The following BPGM variants were observed in gnomAD, a reference collection of about 807,000 sequenced individuals.
BPGM encodes the protein bisphosphoglycerate mutase.
BPGM carries 15 observed loss-of-function variants against 21.6 expected under a neutral mutation model. The ratio of observed to expected loss-of-function variants is 0.70; its 90% CI spans 0.47 to 1.07. The LOEUF (loss-of-function observed/expected upper bound fraction) is 1.07. BPGM is among the 50% of genes least tolerant of loss of function. The pLI is 0.00. For synonymous variants in BPGM, 113 were observed against 116.2 expected (o/e 0.97, Z 0.18); for missense variants, 273 against 319.0 (o/e 0.86, Z 1.10).
At position 134,648,130 on chromosome 7, in the gene BPGM, TGG is replaced by T. The variant is rs1491257091; in HGVS notation, c.-62+1194_-62+1195del. On this transcript the variant is annotated intron_variant, in intron 1 of 2. Coordinates refer to ENST00000344924, the MANE Select transcript of BPGM (RefSeq NM_001724.5). Reference sequence around the variant, plus strand: ...TTTTCTTTCTTTCTTTCTTTTGTTTTGGTTTTTTTTTTGTTTTGTTTTCAGAC... The same window carrying T: ...TTTTCTTTCTTTCTTTCTTTTGTTTTTTTTTTTTTTGTTTTGTTTTCAGAC... Among the ~76,000 whole-genome samples the T allele has an allele frequency of 5.8e-3, 525 of 89,876 alleles. 8 individuals carry two copies. In the South Asian group the frequency reaches 0.082, roughly 14 times the overall value. 59.0% of individuals were successfully genotyped at this position (89,876 alleles called of 152,430 possible).
At chr7:134,664,063 A>T (rs1366119362) in intron 2 of BPGM, among the ~76,000 whole-genome samples, 1 of 152,190 alleles carries the variant, frequency 6.6e-6, no homozygotes, top group African/African-American at 2.4e-5. Flanking sequence ...TTAGCAATTT[A>T]TTTAATTAAT....
At chr7:134,651,968 T>A (rs545084077) in intron 1 of BPGM, among the ~76,000 whole-genome samples, 4 of 152,346 alleles carry the variant, frequency 2.6e-5, no homozygotes, top group African/African-American at 9.6e-5. Context: ...AAATGACAGA[T>A]GATATTTTTG....
At position 134,656,068 on chromosome 7, in the gene BPGM, C is replaced by A. The variant is rs1138296; in HGVS notation, c.-61-5379C>A. Among the ~76,000 whole-genome samples the A allele has an allele frequency of 2.6e-5, 4 of 152,198 alleles. No individual in the cohort carries two copies. The East Asian group carries it at 7.7e-4, about 29-fold the overall frequency. ...AACATGGTCCTTGGACCAGCCATGT[C>A]ACCATCACCTGAGGACTTGCTAGAA... On this transcript the variant is annotated intron_variant, in intron 1 of 2. Coordinates refer to ENST00000344924, the MANE Select transcript of BPGM (RefSeq NM_001724.5).
In BPGM at chr7:134,665,592, T is replaced by C. The variant is rs1795804313; in HGVS notation, c.601+3484T>C. Among the ~76,000 whole-genome samples, 2 of 25,752 alleles carry C rather than the reference T, an allele frequency of 7.8e-5. 1 individual carries two copies. The highest frequency in any genetic ancestry group is 1.2e-4 in the Non-Finnish European group (2 of 16,976). The allele number at this position is 25,752 out of a possible 152,430, so 16.9% of individuals were successfully genotyped here. A position where few individuals can be genotyped will look rare whatever the true frequency, so the allele number is the denominator to read the frequency against. ...AACTAACCTGCACAATGTGCACATG[T>C]ACCCTAAAACTTAGAGTATAATAAA... On this transcript the variant is annotated intron_variant, in intron 2 of 2. Coordinates refer to ENST00000344924, the MANE Select transcript of BPGM (RefSeq NM_001724.5).
intron 1 of BPGM, among the ~76,000 whole-genome samples, chr7:134,656,076 C>A (rs1795632858): frequency 6.6e-6 from 1 of 152,220 alleles, no homozygotes; most frequent in African/African-American, 2.4e-5. Context: ...GTCACCATCA[C>A]CTGAGGACTT....
At position 134,679,298 on chromosome 7, in the gene BPGM, G is replaced by A. The variant is rs1214650812; in HGVS notation, c.*267G>A. The A allele has an allele frequency of 6.5e-6, 3 of 459,592 alleles. No individual in the cohort carries two copies. The Admixed American group carries it at 1.1e-4, about 17-fold the overall frequency. The allele number at this position is 459,592 out of a possible 1,614,324, so 28.5% of individuals were successfully genotyped here. On this transcript the variant is annotated 3_prime_UTR_variant, in exon 3 of 3. Transcript: ENST00000344924. ...TAGTGGGGCTTAATGAAGGTCATAA[G>A]TTTCTGAGATGGGAGAGCAACAAGT...
chr7:134,648,218 C>G (rs1437104370), intron 1 of BPGM, among the ~76,000 whole-genome samples: 1 of 151,674 alleles, frequency 6.6e-6, no homozygotes, highest in Non-Finnish European at 1.5e-5. Context: ...TCACCGCAAC[C>G]TCCGCCTCCT....
intron 2 of BPGM, among the ~76,000 whole-genome samples, chr7:134,675,422 T>TTA (rs1411998818): frequency 6.6e-6 from 1 of 152,190 alleles, no homozygotes; most frequent in African/African-American, 2.4e-5. Context: ...GAGTTAATTT[T>TTA]TATATAAAGT....
intron 1 of BPGM, among the ~76,000 whole-genome samples, chr7:134,659,550 A>C (rs1364775041): frequency 1.3e-5 from 2 of 152,114 alleles, no homozygotes; most frequent in African/African-American, 4.8e-5. Flanking sequence ...CTGTTCTGCC[A>C]CCCTGATGCC....
chr7:134,650,181 T>G lies in BPGM; in HGVS notation c.-62+3244T>G, dbSNP rs117771500. Among the ~76,000 whole-genome samples the G allele has an allele frequency of 2.7e-3, 413 of 152,314 alleles. 1 individual carries two copies. The highest frequency in any genetic ancestry group is 3.1e-3 in the Non-Finnish European group (214 of 68,030). On this transcript the variant is annotated intron_variant, in intron 1 of 2. Transcript: ENST00000344924. Reference sequence around the variant, plus strand: ...TGGAATTTGGTGGACACAGTTTGTGTTGATAAAAGCTACTACCCTGGGGAA... The same window carrying G: ...TGGAATTTGGTGGACACAGTTTGTGGTGATAAAAGCTACTACCCTGGGGAA...
chr7:134,670,318 G>A (rs563277822), intron 2 of BPGM, among the ~76,000 whole-genome samples: 4 of 152,282 alleles, frequency 2.6e-5, no homozygotes, highest in East Asian at 1.9e-4. Context: ...CTGTGGGGAC[G>A]GGGACTGATG....
intron 1 of BPGM, among the ~76,000 whole-genome samples, chr7:134,648,411 AG>A (rs1795502069): frequency 6.6e-6 from 1 of 152,104 alleles, no homozygotes; most frequent in African/African-American, 2.4e-5. Context: ...CTGGGATTAC[AG>A]GTGTGAGCTA....
At chr7:134,678,770 A>G (rs994563936) in intron 2 of BPGM, 83 bp from the exon 3 acceptor site, 22 of 1,319,432 alleles carry the variant, frequency 1.7e-5, no homozygotes, top group Non-Finnish European at 2.2e-5. Context: ...GTTAAATGGG[A>G]TTAAAGTGCA....
chr7:134,678,475 T>A (rs1377661174), intron 2 of BPGM, among the ~76,000 whole-genome samples: 1 of 152,178 alleles, frequency 6.6e-6, no homozygotes, highest in Non-Finnish European at 1.5e-5. Flanking sequence ...GTACAACACA[T>A]AAAAGGAGAA....
At chr7:134,666,838 A>G (rs1019442959) in intron 2 of BPGM, among the ~76,000 whole-genome samples, 7 of 152,240 alleles carry the variant, frequency 4.6e-5, no homozygotes, top group Non-Finnish European at 8.8e-5. Flanking sequence ...TAAGGTCCCA[A>G]GTATTCTTTT....
chr7:134,675,689 G>C (rs143772927), intron 2 of BPGM, among the ~76,000 whole-genome samples: 5 of 152,176 alleles, frequency 3.3e-5, no homozygotes, highest in African/African-American at 1.2e-4. Context: ...TCTTTTTCAA[G>C]ATTGTTTTGG....
intron 1 of BPGM, among the ~76,000 whole-genome samples, chr7:134,657,687 C>G (rs1054863518): frequency 6.6e-6 from 1 of 152,124 alleles, no homozygotes; most frequent in African/African-American, 2.4e-5. Flanking sequence ...GTTTTCAGTT[C>G]AGATCTTTTT....
chr7:134,652,462 C>G (rs1795571342), intron 1 of BPGM, among the ~76,000 whole-genome samples: 1 of 151,896 alleles, frequency 6.6e-6, no homozygotes, highest in African/African-American at 2.4e-5. Flanking sequence ...TGTCTATTAC[C>G]TCATGCATTT....
intron 1 of BPGM, among the ~76,000 whole-genome samples, chr7:134,652,586 A>T (rs1404428069): frequency 6.6e-6 from 1 of 152,166 alleles, no homozygotes; most frequent in East Asian, 1.9e-4. Flanking sequence ...TTCTAACTAT[A>T]GTTTTGTACC....
Sources: gnomAD v4.1 joint callset for allele counts (sites outside exome capture counted in the v4.1 genomes callset) on GRCh38, gnomAD v4.1.1 for gene constraint, MANE v1.5 for transcripts, NCBI Gene and HGNC (gene_info 2026-07-23, HGNC 2026-07-21) for gene names.